CCDC39: variants seen among roughly 807,000 people sequenced by gnomAD.
CCDC39 encodes the protein coiled-coil domain 39 molecular ruler complex subunit.
Under a neutral mutation model 121.0 loss-of-function variants are expected in CCDC39, and 113 were observed. That is an observed-to-expected ratio of 0.93 (90% CI 0.80 to 1.09). The LOEUF (loss-of-function observed/expected upper bound fraction) is 1.09. Among genes scored for constraint, CCDC39 ranks in the 50% least tolerant of loss-of-function variants. The pLI is 0.00. For synonymous variants in CCDC39, 349 were observed against 352.2 expected, an observed-to-expected ratio of 0.99 and a Z score of 0.10; for missense variants, 1,063 against 1,074.7, an observed-to-expected ratio of 0.99 and a Z score of 0.15.
chr3:180,655,928 T>C (rs1453887190), intron 6 of CCDC39, among the ~76,000 whole-genome samples: 2 of 152,212 alleles, frequency 1.3e-5, no homozygotes, highest in African/African-American at 4.8e-5. Flanking sequence ...TACTTGCATG[T>C]ATTCCAAAAT....
At chr3:180,652,425 T>C (rs1218164538) in intron 7 of CCDC39, among the ~76,000 whole-genome samples, 159 bp from the exon 8 acceptor site, 3 of 152,152 alleles carry the variant, frequency 2.0e-5, no homozygotes, top group Non-Finnish European at 4.4e-5. Flanking sequence ...CAGATTTCCA[T>C]ATTGATCTGC....
chr3:180,662,223 T>C lies in CCDC39; in HGVS notation c.211-216A>G, dbSNP rs532779775. 2.6e-5 allele frequency among the ~76,000 whole-genome samples: 4 copies of C among 152,126 alleles called. No homozygotes were observed. In the South Asian group the frequency reaches 8.3e-4, roughly 31 times the overall value. ...TTGTAAGAAAGTCAATGAACTGTGC[T>C]AGGAGAAAATACTGTCAATAGTTTT... is the stretch of plus-strand genomic sequence containing the variant. On this transcript the variant is annotated intron_variant, in intron 2 of 19. Coordinates refer to ENST00000476379, the MANE Select transcript of CCDC39 (RefSeq NM_181426.2).
intron 13 of CCDC39, among the ~76,000 whole-genome samples, chr3:180,638,945 C>A (rs1026651811): frequency 1.8e-4 from 28 of 152,058 alleles, no homozygotes; most frequent in Non-Finnish European, 1.6e-4. Context: ...AGCAATTTTA[C>A]TCCTAAGTAT....
chr3:180,620,436 AG>A (rs1717403104), intron 14 of CCDC39, among the ~76,000 whole-genome samples: 1 of 152,016 alleles, frequency 6.6e-6, no homozygotes, highest in Non-Finnish European at 1.5e-5. Context: ...TTTTAAAAAA[AG>A]ATCATTGTAA....
intron 14 of CCDC39, among the ~76,000 whole-genome samples, chr3:180,630,246 C>A (rs1717663456): frequency 1.3e-5 from 2 of 152,134 alleles, no homozygotes; most frequent in South Asian, 4.2e-4. Context: ...TAGAGCCTAC[C>A]CTTTATCCTT....
intron 16 of CCDC39, 115 bp from the exon 17 acceptor site, chr3:180,617,081 T>G: frequency 1.6e-6 from 1 of 627,892 alleles, no homozygotes; most frequent in Non-Finnish European, 2.6e-6. Context: ...ATAATATACA[T>G]TATTTCTGTT....
At chr3:180,668,834 CCA>C (rs1438213857) in intron 1 of CCDC39, among the ~76,000 whole-genome samples, 2 of 152,092 alleles carry the variant, frequency 1.3e-5, no homozygotes, top group African/African-American at 4.8e-5. Context: ...CAATAAAAAT[CCA>C]CAGAGAGAAC....
chr3:180,664,855 C>A (rs1013252966), intron 1 of CCDC39, among the ~76,000 whole-genome samples: 4 of 102,672 alleles, frequency 3.9e-5, no homozygotes, highest in Non-Finnish European at 5.6e-5. Context: ...CACCACTACA[C>A]CTGGCTAATT....
At chr3:180,674,709 A>G (rs558543662) in intron 1 of CCDC39, among the ~76,000 whole-genome samples, 171 of 152,282 alleles carry the variant, frequency 1.1e-3, no homozygotes, top group African/African-American at 4.0e-3. Context: ...ATTTTGTTGA[A>G]GGCCTTTTCT....
intron 1 of CCDC39, among the ~76,000 whole-genome samples, chr3:180,673,446 T>C: frequency 6.6e-6 from 1 of 152,162 alleles, no homozygotes; most frequent in East Asian, 1.9e-4. Flanking sequence ...ACCAGCAAAA[T>C]GGTTACAACT....
At chr3:180,630,594 C>A (rs1180291400) in intron 14 of CCDC39, among the ~76,000 whole-genome samples, 1 of 152,052 alleles carries the variant, frequency 6.6e-6, no homozygotes, top group Non-Finnish European at 1.5e-5. Flanking sequence ...AAGTTCCATC[C>A]CTTGTTTGTA....
chr3:180,678,464 A>G (rs1712296242), intron 1 of CCDC39, among the ~76,000 whole-genome samples: 1 of 151,780 alleles, frequency 6.6e-6, no homozygotes, highest in Non-Finnish European at 1.5e-5. Context: ...ATCACCACCA[A>G]AGTTTTTCAA....
At position 180,671,419 on chromosome 3, in the gene CCDC39, A is replaced by C. The variant is rs2108434629; in HGVS notation, c.91-7433T>G. 1.3e-5 allele frequency among the ~76,000 whole-genome samples: 2 copies of C among 152,270 alleles called. 1 individual carries two copies. Among genetic ancestry groups the C allele is most frequent in the Middle Eastern group, 6.8e-3 (2 of 294 alleles). ...CAAGTATCCCTGCTCCACAAGGAGCAGTACCTCTGCTGCTGCATACTTCCA... is the reference window on the plus strand; with the variant it reads ...CAAGTATCCCTGCTCCACAAGGAGCCGTACCTCTGCTGCTGCATACTTCCA... On this transcript the variant is annotated intron_variant, in intron 1 of 19. Transcript: ENST00000476379.
chr3:180,617,115 G>A (rs574390921), intron 16 of CCDC39, 149 bp from the exon 17 acceptor site: 34 of 560,648 alleles, frequency 6.1e-5, no homozygotes, highest in Middle Eastern at 4.8e-4. Flanking sequence ...ATGACATCTC[G>A]GTCAATGATG....
In CCDC39 at chr3:180,614,365, G is replaced by A. The variant is rs569891549; in HGVS notation, c.*556C>T. 1.8e-5 allele frequency: 2 copies of A among 109,988 alleles called. No individual in the cohort carries two copies. Among genetic ancestry groups the A allele is most frequent in the South Asian group, 3.1e-4 (1 of 3,210 alleles). The allele number at this position is 109,988 out of a possible 1,614,324, so 6.8% of individuals were successfully genotyped here. A position where few individuals can be genotyped will look rare whatever the true frequency, so the allele number is the denominator to read the frequency against. ...ATTGATATACAGTGTTTCTCTTACC[G>A]GTTTTTTTTTGGGGGGGTGGGGTGG... is the stretch of plus-strand genomic sequence containing the variant. On this transcript the variant is annotated 3_prime_UTR_variant, in exon 20 of 20. Coordinates refer to ENST00000476379, the MANE Select transcript of CCDC39 (RefSeq NM_181426.2).
intron 13 of CCDC39, among the ~76,000 whole-genome samples, chr3:180,635,938 G>T (rs542087999): frequency 6.6e-6 from 1 of 152,266 alleles, no homozygotes; most frequent in Admixed American, 6.5e-5. Flanking sequence ...TAAATTAGGC[G>T]TTGAAGGAAC....
In CCDC39 at chr3:180,631,595, A is replaced by G; in HGVS notation, c.1875-3T>C. On this transcript the variant is annotated splice_polypyrimidine_tract_variant and splice_region_variant and intron_variant, in intron 13 of 19. Transcript: ENST00000476379. ...TTAGCCGCTCGCGAAACTCAGTGCTAATAAGAAAAAGAAACACTGAGAAAT... is the reference window on the plus strand; with the variant it reads ...TTAGCCGCTCGCGAAACTCAGTGCTGATAAGAAAAAGAAACACTGAGAAAT... 6.2e-7 allele frequency: 1 copy of G among 1,600,710 alleles called. No individual in the cohort carries two copies. Among genetic ancestry groups the G allele is most frequent in the Non-Finnish European group, 8.5e-7 (1 of 1,176,804 alleles).
chr3:180,629,960 G>C (rs1481099161), intron 14 of CCDC39, among the ~76,000 whole-genome samples: 1 of 151,990 alleles, frequency 6.6e-6, no homozygotes, highest in Non-Finnish European at 1.5e-5. Flanking sequence ...CATTTATTGA[G>C]GACTCATTTT....
At chr3:180,655,982 G>C (rs779322964) in intron 6 of CCDC39, among the ~76,000 whole-genome samples, 6 of 152,094 alleles carry the variant, frequency 3.9e-5, no homozygotes, top group Non-Finnish European at 7.4e-5. Flanking sequence ...GGGGGAGGAG[G>C]TATGTGTTCT....
Sources: gnomAD v4.1 joint callset for allele counts (sites outside exome capture counted in the v4.1 genomes callset) on GRCh38, gnomAD v4.1.1 for gene constraint, MANE v1.5 for transcripts, NCBI Gene and HGNC (gene_info 2026-07-23, HGNC 2026-07-21) for gene names.